SP6: variants seen among roughly 807,000 people sequenced by gnomAD.
SP6 encodes the protein transcription factor Sp6.
In SP6, 10 loss-of-function variants were observed where a neutral mutation model predicts 23.4. The ratio of observed to expected loss-of-function variants is 0.43; its 90% CI spans 0.26 to 0.72. The LOEUF (loss-of-function observed/expected upper bound fraction) is 0.72, where lower values mean the gene tolerates loss of function less well. SP6 is among the 30% of genes least tolerant of loss of function. The probability of loss-of-function intolerance (pLI) is 0.23; values close to 1 mark genes in which losing one functional copy is unlikely to be tolerated. For synonymous variants in SP6, 238 were observed against 238.7 expected, an observed-to-expected ratio of 1.00 and a Z score of 0.03; for missense variants, 482 against 523.8, an observed-to-expected ratio of 0.92 and a Z score of 0.78.
the SP6 span, among the ~76,000 whole-genome samples, chr17:47,865,845 C>T: frequency 4.6e-5 from 7 of 152,168 alleles, no homozygotes; most frequent in African/African-American, 1.7e-4. Flanking sequence ...ACCATTTCAC[C>T]TCTCCTGGTC....
At chr17:47,873,183 T>C in the SP6 span, among the ~76,000 whole-genome samples, 4 of 152,184 alleles carry the variant, frequency 2.6e-5, no homozygotes, top group African/African-American at 9.6e-5. Context: ...TCAAGCATAT[T>C]TGGAAGAAGG....
upstream of SP6, among the ~76,000 whole-genome samples, chr17:47,854,725 G>C (rs1244295672): frequency 6.6e-6 from 1 of 152,178 alleles, no homozygotes; most frequent in Non-Finnish European, 1.5e-5. Flanking sequence ...AGCTGGTCTA[G>C]CCCCAAATTG....
At chr17:47,862,641 C>G in the SP6 span, among the ~76,000 whole-genome samples, 3 of 152,150 alleles carry the variant, frequency 2.0e-5, no homozygotes, top group Non-Finnish European at 4.4e-5. Context: ...AGCAGTGAAG[C>G]TAGGGGATTC....
At chr17:47,862,576 AG>A in the SP6 span, among the ~76,000 whole-genome samples, 2 of 151,466 alleles carry the variant, frequency 1.3e-5, no homozygotes, top group Admixed American at 6.6e-5. Context: ...CTGTGAAAGG[AG>A]TTAAGTCATT....
chr17:47,869,573 G>A, the SP6 span, among the ~76,000 whole-genome samples: 12 of 152,158 alleles, frequency 7.9e-5, no homozygotes, highest in African/African-American at 4.8e-5. Context: ...AGCAAAGGAC[G>A]AATCTCACGG....
chr17:47,862,129 G>A, the SP6 span, among the ~76,000 whole-genome samples: 5 of 151,028 alleles, frequency 3.3e-5, no homozygotes, highest in East Asian at 3.9e-4. Context: ...GTGGATCACC[G>A]GAGGTCAGGA....
upstream of SP6, among the ~76,000 whole-genome samples, chr17:47,860,130 C>A (rs2034025389): frequency 6.6e-6 from 1 of 152,148 alleles, no homozygotes; most frequent in Admixed American, 6.5e-5. Flanking sequence ...CAGCCACATC[C>A]CTTCCCACTC....
upstream of SP6, among the ~76,000 whole-genome samples, chr17:47,856,847 T>A (rs2034001779): frequency 6.6e-6 from 1 of 151,858 alleles, no homozygotes; most frequent in Non-Finnish European, 1.5e-5. Context: ...CCCCAAGACT[T>A]ACATGCTACC....
At chr17:47,860,987 C>G in the SP6 span, among the ~76,000 whole-genome samples, 537 of 152,258 alleles carry the variant, frequency 3.5e-3, 3 homozygotes, top group Non-Finnish European at 4.8e-3. Flanking sequence ...CAGGATCCCA[C>G]GAGAGGGGAA....
At chr17:47,875,812 T>C in the SP6 span, among the ~76,000 whole-genome samples, 1 of 152,294 alleles carries the variant, frequency 6.6e-6, no homozygotes, top group East Asian at 1.9e-4. Context: ...CCCTTAGACC[T>C]CCTTTAACTG....
chr17:47,874,012 CCCT>C, the SP6 span, among the ~76,000 whole-genome samples: 1 of 150,790 alleles, frequency 6.6e-6, no homozygotes, highest in East Asian at 1.9e-4. Flanking sequence ...TCTCCTTCCT[CCCT>C]CCTTCTTCCC....
At chr17:47,859,182 A>G (rs2034019027), upstream of SP6, among the ~76,000 whole-genome samples, 1 of 152,110 alleles carries the variant, frequency 6.6e-6, no homozygotes, top group Non-Finnish European at 1.5e-5. Context: ...TCACCTACGC[A>G]GTCTTCTCTC....
upstream of SP6, among the ~76,000 whole-genome samples, chr17:47,857,212 G>A (rs2034003921): frequency 6.6e-6 from 1 of 152,150 alleles, no homozygotes; most frequent in Non-Finnish European, 1.5e-5. Context: ...CAGGCTCCAG[G>A]GAGGGGCTTC....
chr17:47,871,265 G>C, the SP6 span, among the ~76,000 whole-genome samples: 86 of 152,324 alleles, frequency 5.6e-4, no homozygotes, highest in African/African-American at 1.9e-3. Flanking sequence ...GCCTGCATCT[G>C]TCATCATTTA....
chr17:47,870,162 C>T, the SP6 span, among the ~76,000 whole-genome samples: 2 of 152,184 alleles, frequency 1.3e-5, no homozygotes, highest in Non-Finnish European at 2.9e-5. Context: ...GACACACTAA[C>T]CTATTTCACT....
the SP6 span, among the ~76,000 whole-genome samples, chr17:47,865,869 A>T: frequency 1.3e-5 from 2 of 151,826 alleles, no homozygotes; most frequent in East Asian, 3.9e-4. Context: ...GCTTTGAAAA[A>T]CTTCCAGGGG....
Position 47,848,136 on chromosome 17 carries a change from C to T in SP6, c.294G>A (p.Pro98=), listed in dbSNP as rs766586428. 6.2e-6 allele frequency: 10 copies of T among 1,613,406 alleles called. No homozygotes were observed. Among genetic ancestry groups the T allele is most frequent in the African/African-American group, 5.3e-5 (4 of 74,918 alleles). The stretch of plus-strand genomic sequence containing the variant: ...ACGATTCATAATGGTGTGACATGTC[C>T]GGCTGCAGGAGCTTGGAAAAGGGGC... ...APGPFSKLLQ[P]DMSHHYESWF... The change falls in exon 2 of 2, where the codon CCG becomes CCA. Residue 98 remains proline (P), a synonymous_variant. Transcript: ENST00000536300. This position sits in a 1 kb window ranked among gnomAD's most constrained non-coding sequence, Gnocchi z 5.3.
chr17:47,850,523 T>C (rs1277858050), intron 1 of SP6, among the ~76,000 whole-genome samples: 1 of 152,160 alleles, frequency 6.6e-6, no homozygotes, highest in Non-Finnish European at 1.5e-5. Flanking sequence ...GCCAAGTATG[T>C]GTCCGGTTCA....
chr17:47,856,746 C>A (rs113596159), upstream of SP6, among the ~76,000 whole-genome samples: 1 of 152,012 alleles, frequency 6.6e-6, no homozygotes, highest in African/African-American at 2.4e-5. Context: ...GGACTTTTCA[C>A]GGGATGACAT....
Sources: gnomAD v4.1 joint callset for allele counts (sites outside exome capture counted in the v4.1 genomes callset) on GRCh38, gnomAD v4.1.1 for gene constraint, Gnocchi (gnomAD v3.1) non-coding constraint, MANE v1.5 for transcripts, NCBI Gene and HGNC (gene_info 2026-07-23, HGNC 2026-07-21) for gene names.